The following MARCHF8 variants were observed in gnomAD, a reference collection of about 807,000 sequenced individuals.
MARCHF8 encodes the protein membrane associated ring-CH-type finger 8, also known as E3 ubiquitin-protein ligase MARCHF8.
A neutral mutation model predicts 51.6 loss-of-function variants in MARCHF8; 40 were observed. The observed-to-expected ratio is 0.77, with a 90% CI of 0.60 to 1.01. The LOEUF (loss-of-function observed/expected upper bound fraction) is 1.01, where lower values mean the gene tolerates loss of function less well. Among genes scored for constraint, MARCHF8 ranks in the 50% least tolerant of loss-of-function variants. The probability of loss-of-function intolerance (pLI) is 0.00; values close to 1 mark genes in which losing one functional copy is unlikely to be tolerated. For missense variants in MARCHF8, 685 were observed against 708.6 expected (o/e 0.97, Z 0.38); for synonymous variants, 263 against 280.3 (o/e 0.94, Z 0.62).
At chr10:45,489,718 C>T (rs1450155438) in intron 2 of MARCHF8, among the ~76,000 whole-genome samples, 3 of 152,108 alleles carry the variant, frequency 2.0e-5, no homozygotes, top group Non-Finnish European at 4.4e-5. Flanking sequence ...TAATAAGTGT[C>T]TTAAGTCACA....
At chr10:45,548,833 A>G (rs1200651952) in intron 1 of MARCHF8, among the ~76,000 whole-genome samples, 3 of 151,976 alleles carry the variant, frequency 2.0e-5, no homozygotes, top group Admixed American at 6.6e-5. Context: ...TGTCTCTACT[A>G]AAAATGCAGA....
At position 45,562,047 on chromosome 10, in the gene MARCHF8, A is replaced by G. The variant is rs907946752; in HGVS notation, c.-78-28758T>C. On this transcript the variant is annotated intron_variant, in intron 1 of 6. Coordinates refer to the MARCHF8 transcript ENST00000319836. Reference sequence around the variant, plus strand: ...ACCAAATGAGTTAATTAAATAGCATATTAGTCACAGCTAAGGAGAGATTAC... The same window carrying G: ...ACCAAATGAGTTAATTAAATAGCATGTTAGTCACAGCTAAGGAGAGATTAC... Among the ~76,000 whole-genome samples, 23 of 152,318 alleles carry G rather than the reference A, an allele frequency of 1.5e-4. 1 individual carries two copies. Among genetic ancestry groups the G allele is most frequent in the Admixed American group, 1.5e-3 (23 of 15,298 alleles).
chr10:45,587,229 G>T (rs568989097), intron 1 of MARCHF8, among the ~76,000 whole-genome samples: 55 of 152,212 alleles, frequency 3.6e-4, no homozygotes, highest in African/African-American at 1.3e-3. Flanking sequence ...CTAGTAAGTG[G>T]ATTCAGAAAG....
chr10:45,460,911 G>C (rs1237083531), intron 6 of MARCHF8, among the ~76,000 whole-genome samples: 1 of 152,226 alleles, frequency 6.6e-6, no homozygotes, highest in East Asian at 1.9e-4. Flanking sequence ...GACGTCAACA[G>C]TTAATATGTA....
At chr10:45,508,526 G>A (rs1015449895) in intron 2 of MARCHF8, among the ~76,000 whole-genome samples, 14 of 152,124 alleles carry the variant, frequency 9.2e-5, no homozygotes, top group Non-Finnish European at 1.3e-4. Flanking sequence ...TGTTAACTTG[G>A]TTACAACTTC....
chr10:45,475,094 C>G (rs1387139738), intron 3 of MARCHF8, among the ~76,000 whole-genome samples: 1 of 152,220 alleles, frequency 6.6e-6, no homozygotes, highest in Non-Finnish European at 1.5e-5. Context: ...TCCCTGGAAC[C>G]CCACTGATAT....
At chr10:45,588,141 A>G (rs949676876) in intron 1 of MARCHF8, among the ~76,000 whole-genome samples, 1 of 151,694 alleles carries the variant, frequency 6.6e-6, no homozygotes, top group Non-Finnish European at 1.5e-5. Flanking sequence ...GCTAATAAAT[A>G]TATTTTTTCA....
intron 1 of MARCHF8, among the ~76,000 whole-genome samples, chr10:45,571,096 A>C (rs1238701450): frequency 1.3e-5 from 2 of 152,198 alleles, no homozygotes; most frequent in Non-Finnish European, 2.9e-5. Context: ...AGTATATGAA[A>C]TATGAAAGTA....
chr10:45,471,984 T>C (rs1394721185), intron 3 of MARCHF8, among the ~76,000 whole-genome samples: 1 of 152,216 alleles, frequency 6.6e-6, no homozygotes, highest in Non-Finnish European at 1.5e-5. Context: ...CAGCTTCTGC[T>C]CAGGCTACTC....
rs1842687998 is a variant in MARCHF8, at chr10:45,458,638, G to T, written c.1418-95C>A. Reference sequence around the variant, plus strand: ...ACTTCCCATAATCAACTGATTCTTTGTTGTTGTTGTTGTTTTTTAAGAGAT... The same window carrying T: ...ACTTCCCATAATCAACTGATTCTTTTTTGTTGTTGTTGTTTTTTAAGAGAT... On this transcript the variant is annotated intron_variant, in intron 7 of 7. Coordinates refer to ENST00000453424, the MANE Select transcript of MARCHF8 (RefSeq NM_001282866.2). 5 of 1,228,352 alleles carry T rather than the reference G, an allele frequency of 4.1e-6. No individual in the cohort carries two copies. In the East Asian group the frequency reaches 7.6e-5, roughly 19 times the overall value. 76.1% of individuals were successfully genotyped at this position (1,228,352 alleles called of 1,614,324 possible). A position where few individuals can be genotyped will look rare whatever the true frequency, so the allele number is the denominator to read the frequency against.
intron 2 of MARCHF8, among the ~76,000 whole-genome samples, chr10:45,531,581 A>G (rs950179085): frequency 3.3e-5 from 5 of 152,062 alleles, no homozygotes; most frequent in African/African-American, 9.7e-5. Flanking sequence ...ATTTGAAATA[A>G]AAGATCATCT....
chr10:45,535,708 A>G (rs1277755321), upstream of MARCHF8, among the ~76,000 whole-genome samples: 3 of 152,254 alleles, frequency 2.0e-5, no homozygotes, highest in Non-Finnish European at 2.9e-5. Flanking sequence ...TACAAATCAT[A>G]TATTACATTA....
chr10:45,521,893 A>T (rs974352977), intron 2 of MARCHF8, among the ~76,000 whole-genome samples: 1 of 152,174 alleles, frequency 6.6e-6, no homozygotes, highest in Non-Finnish European at 1.5e-5. Flanking sequence ...TTTCTCTGAT[A>T]TACATATTCT....
chr10:45,541,645 A>C (rs1238440115), intron 1 of MARCHF8, among the ~76,000 whole-genome samples: 1 of 152,244 alleles, frequency 6.6e-6, no homozygotes, highest in Admixed American at 6.5e-5. Context: ...TAGAAGAAAG[A>C]AAATGTAATA....
upstream of MARCHF8, among the ~76,000 whole-genome samples, chr10:45,537,238 C>T (rs973319366): frequency 4.6e-5 from 7 of 152,106 alleles, no homozygotes; most frequent in East Asian, 5.8e-4. Flanking sequence ...ATAACCTAAA[C>T]GTCCATCAAA....
chr10:45,530,327 C>T (rs143231569), intron 2 of MARCHF8, among the ~76,000 whole-genome samples: 1 of 152,246 alleles, frequency 6.6e-6, no homozygotes, highest in Non-Finnish European at 1.5e-5. Context: ...CTCATGGGTG[C>T]TTATGTGCAC....
upstream of MARCHF8, among the ~76,000 whole-genome samples, chr10:45,535,651 G>A (rs1325819138): frequency 2.0e-5 from 3 of 152,102 alleles, no homozygotes; most frequent in African/African-American, 7.2e-5. Context: ...ACAAACAAAC[G>A]ATAAAACAGG....
At position 45,454,789 on chromosome 10, in the gene MARCHF8, C is replaced by T. The variant is rs1171562121; in HGVS notation, c.*3450G>A. ...GAAGTGCCTTTTAGAAACTACACCA[C>T]ACATGCCAGTGTAAATTTGGTTTAA... On this transcript the variant is annotated 3_prime_UTR_variant, in exon 8 of 8. Coordinates refer to ENST00000453424, the MANE Select transcript of MARCHF8 (RefSeq NM_001282866.2). 1 of 152,236 alleles carries T rather than the reference C, an allele frequency of 6.6e-6. No homozygotes were observed. The highest frequency in any genetic ancestry group is 1.5e-5 in the Non-Finnish European group (1 of 68,048). 9.4% of individuals were successfully genotyped at this position (152,236 alleles called of 1,614,324 possible).
At chr10:45,594,644 GC>G (rs2044719185) in exon 1 of MARCHF8, 1 of 111,704 alleles carries the variant, frequency 9.0e-6, no homozygotes, top group Non-Finnish European at 1.9e-5. Flanking sequence ...CCCACCTGTA[GC>G]CGACGCGCTG....
Sources: gnomAD v4.1 joint callset for allele counts (sites outside exome capture counted in the v4.1 genomes callset) on GRCh38, gnomAD v4.1.1 for gene constraint, MANE v1.5 for transcripts, NCBI Gene and HGNC (gene_info 2026-07-23, HGNC 2026-07-21) for gene names.